Variants in SEMA3D observed in about 807,000 individuals in gnomAD.
The protein encoded by SEMA3D is semaphorin-3D.
SEMA3D carries 84 observed loss-of-function variants against 100.1 expected under a neutral mutation model. The ratio of observed to expected loss-of-function variants is 0.84; its 90% CI spans 0.70 to 1.01. The LOEUF is 1.01. SEMA3D is among the 50% of genes least tolerant of loss of function. The pLI, the probability that SEMA3D is intolerant of heterozygous loss-of-function variation, is 0.00. For synonymous variants in SEMA3D, 312 were observed against 320.7 expected, an observed-to-expected ratio of 0.97 and a Z score of 0.29; for missense variants, 875 against 934.1, an observed-to-expected ratio of 0.94 and a Z score of 0.82.
rs933658694 is a variant in SEMA3D at position 84,996,966 on chromosome 7, T to C, written c.*2474A>G. ...AAAAACACATTTTAGATATTCTTTATCTTTAAAAATACATATAAATATGTG... is the reference window on the plus strand; with the variant it reads ...AAAAACACATTTTAGATATTCTTTACCTTTAAAAATACATATAAATATGTG... On this transcript the variant is annotated 3_prime_UTR_variant, in exon 19 of 19. Coordinates refer to ENST00000284136, the MANE Select transcript of SEMA3D (RefSeq NM_001384900.1). 3 of 151,924 alleles carry C rather than the reference T, an allele frequency of 2.0e-5. No homozygotes were observed. Among genetic ancestry groups the C allele is most frequent in the Non-Finnish European group, 2.9e-5 (2 of 67,862 alleles). 9.4% of individuals were successfully genotyped at this position (151,924 alleles called of 1,614,324 possible). A position where few individuals can be genotyped will look rare whatever the true frequency, so the allele number is the denominator to read the frequency against.
At chr7:85,140,727 C>T (rs1790023436) in intron 2 of SEMA3D, 1 of 979,976 alleles carries the variant, frequency 1.0e-6, no homozygotes, top group African/African-American at 1.8e-5. Flanking sequence ...ATACAAGTTT[C>T]TTCTGGTTTC....
intron 4 of SEMA3D, among the ~76,000 whole-genome samples, chr7:85,086,183 C>A (rs1474390997): frequency 6.6e-6 from 1 of 152,078 alleles, no homozygotes; most frequent in African/African-American, 2.4e-5. Flanking sequence ...GCAAAAACAA[C>A]CTATGATATA....
chr7:85,035,284 A>ATGTATATGT (rs1790662466), intron 12 of SEMA3D, among the ~76,000 whole-genome samples: 1 of 151,490 alleles, frequency 6.6e-6, no homozygotes, highest in Admixed American at 6.6e-5. Context: ...TGCATCATAT[A>ATGTATATGT]TGTATATATC....
chr7:85,062,795 G>A (rs1410274727), intron 8 of SEMA3D, among the ~76,000 whole-genome samples: 1 of 152,016 alleles, frequency 6.6e-6, no homozygotes, highest in Non-Finnish European at 1.5e-5. Context: ...TATTTTTGAG[G>A]CCACTTAGTT....
intron 2 of SEMA3D, among the ~76,000 whole-genome samples, chr7:85,139,587 TGTTTCTAAA>T (rs1210110914): frequency 1.2e-4 from 18 of 151,998 alleles, no homozygotes; most frequent in Admixed American, 1.2e-3. Flanking sequence ...ATAATGAAAA[TGTTTCTAAA>T]GAAGTGAATA....
chr7:85,236,319 T>G, the SEMA3D span, among the ~76,000 whole-genome samples: 2 of 149,430 alleles, frequency 1.3e-5, no homozygotes, highest in African/African-American at 2.5e-5. Flanking sequence ...ATTTATTTAT[T>G]TATTTAGAGA....
the SEMA3D span, among the ~76,000 whole-genome samples, chr7:85,243,437 A>G: frequency 6.6e-6 from 1 of 152,136 alleles, no homozygotes; most frequent in Non-Finnish European, 1.5e-5. Flanking sequence ...TTCTACCCCA[A>G]GACTGGTTCG....
upstream of SEMA3D, among the ~76,000 whole-genome samples, chr7:85,188,231 T>C (rs912788690): frequency 6.6e-6 from 1 of 152,174 alleles, no homozygotes; most frequent in African/African-American, 2.4e-5. Context: ...AAATGGTTGA[T>C]GGCAGAGTCA....
At chr7:85,076,852 T>C (rs1394804312) in intron 5 of SEMA3D, among the ~76,000 whole-genome samples, 1 of 152,028 alleles carries the variant, frequency 6.6e-6, no homozygotes, top group Non-Finnish European at 1.5e-5. Context: ...TCCCAACACT[T>C]TGGGAGGCCG....
At chr7:85,121,350 C>A (rs761432024) in intron 3 of SEMA3D, among the ~76,000 whole-genome samples, 9 of 152,002 alleles carry the variant, frequency 5.9e-5, no homozygotes, top group Non-Finnish European at 1.0e-4. Context: ...TTGAAGCTAT[C>A]CTGCTGTCTT....
intron 3 of SEMA3D, among the ~76,000 whole-genome samples, chr7:85,117,870 T>C (rs73379810): frequency 0.01 from 1,535 of 150,926 alleles, 13 homozygotes; most frequent in Middle Eastern, 0.06. Context: ...CATATAGATA[T>C]AAAAATATAT....
chr7:85,205,491 T>C, the SEMA3D span, among the ~76,000 whole-genome samples: 1 of 152,142 alleles, frequency 6.6e-6, no homozygotes, highest in Non-Finnish European at 1.5e-5. Context: ...CTTTTTACTT[T>C]CTATTTTTCC....
chr7:85,239,108 G>A, the SEMA3D span, among the ~76,000 whole-genome samples: 1 of 152,014 alleles, frequency 6.6e-6, no homozygotes, highest in African/African-American at 2.4e-5. Flanking sequence ...CTATTTCAGT[G>A]CTTCTCAAAT....
At chr7:85,141,247 G>A (rs1790043184) in intron 2 of SEMA3D, 3 of 984,126 alleles carry the variant, frequency 3.0e-6, no homozygotes, top group South Asian at 9.4e-5. Flanking sequence ...ACTTGTTGAA[G>A]AGGGACAAGT....
At chr7:85,003,464 G>T (rs1052049583) in intron 18 of SEMA3D, among the ~76,000 whole-genome samples, 1 of 151,904 alleles carries the variant, frequency 6.6e-6, no homozygotes, top group African/African-American at 2.4e-5. Flanking sequence ...ATATATAATT[G>T]CTGTCTCATT....
the SEMA3D span, among the ~76,000 whole-genome samples, chr7:85,239,021 T>TA: frequency 2.1e-3 from 321 of 151,954 alleles, 1 homozygote; most frequent in African/African-American, 7.5e-3. Flanking sequence ...TAAATGTACT[T>TA]AAAATTATTT....
chr7:85,148,845 G>T (rs1790287524), intron 2 of SEMA3D, among the ~76,000 whole-genome samples: 1 of 151,670 alleles, frequency 6.6e-6, no homozygotes, highest in Non-Finnish European at 1.5e-5. Context: ...TTTGTTGTGG[G>T]TAACAGTGCT....
At chr7:85,184,264 A>G (rs889297842) in intron 1 of SEMA3D, among the ~76,000 whole-genome samples, 2 of 152,200 alleles carry the variant, frequency 1.3e-5, no homozygotes, top group Non-Finnish European at 2.9e-5. Context: ...TTCTGAAAGG[A>G]GACCCACACC....
chr7:85,166,422 C>T (rs1330547273), intron 1 of SEMA3D, among the ~76,000 whole-genome samples: 1 of 151,674 alleles, frequency 6.6e-6, no homozygotes, highest in Non-Finnish European at 1.5e-5. Flanking sequence ...GGAAAGGAGG[C>T]AAGTTTTAAG....
Sources: allele counts gnomAD v4.1 joint callset (sites outside exome capture counted in the v4.1 genomes callset), GRCh38; gene constraint gnomAD v4.1.1; transcripts MANE v1.5; gene names NCBI Gene and HGNC (gene_info 2026-07-23, HGNC 2026-07-21).